Variants in TMEM163 observed in about 807,000 individuals in gnomAD.
The protein encoded by TMEM163 is transmembrane protein 163.
In TMEM163, 17 loss-of-function variants were observed where a neutral mutation model predicts 29.3. The observed-to-expected ratio is 0.58, with a 90% CI of 0.40 to 0.87. The LOEUF is 0.87. TMEM163 is among the 40% of genes least tolerant of loss of function. TMEM163 has a pLI of 0.00. For missense variants in TMEM163, 303 were observed against 381.5 expected (o/e 0.79, Z 1.71); for synonymous variants, 157 against 160.6 (o/e 0.98, Z 0.17).
intron 4 of TMEM163, among the ~76,000 whole-genome samples, chr2:134,524,672 A>T (rs1037382901): frequency 2.0e-5 from 3 of 150,130 alleles, no homozygotes; most frequent in African/African-American, 7.3e-5. Context: ...TTCCAGTTCC[A>T]TCCATGTCCC....
At chr2:134,533,438 A>C (rs1241601299) in intron 4 of TMEM163, among the ~76,000 whole-genome samples, 3 of 152,254 alleles carry the variant, frequency 2.0e-5, no homozygotes, top group African/African-American at 7.2e-5. Flanking sequence ...AAGCACATGC[A>C]CCAAACTGTT....
At chr2:134,465,200 AAAAC>A (rs1416037086) in intron 6 of TMEM163, among the ~76,000 whole-genome samples, 9 of 143,154 alleles carry the variant, frequency 6.3e-5, no homozygotes, top group Admixed American at 4.0e-4. Flanking sequence ...AAAAAAAAAA[AAAAC>A]AAAAACAAAA....
At chr2:134,545,263 G>C (rs1044465248) in intron 4 of TMEM163, among the ~76,000 whole-genome samples, 7 of 152,100 alleles carry the variant, frequency 4.6e-5, no homozygotes, top group Non-Finnish European at 1.0e-4. Flanking sequence ...GTCACCCACT[G>C]TGAGGCTGGC....
intron 2 of TMEM163, among the ~76,000 whole-genome samples, chr2:134,696,899 C>T (rs1684594293): frequency 6.6e-6 from 1 of 152,136 alleles, no homozygotes; most frequent in African/African-American, 2.4e-5. Context: ...CCTCAGCCCC[C>T]CGAGTAGCTG....
At chr2:134,501,087 C>G (rs969786055) in intron 5 of TMEM163, among the ~76,000 whole-genome samples, 2 of 151,956 alleles carry the variant, frequency 1.3e-5, no homozygotes, top group African/African-American at 2.4e-5. Flanking sequence ...TGATATGTAT[C>G]AAAACATCAC....
Position 134,718,620 on chromosome 2 carries a change from G to A in TMEM163, c.202+114C>T, listed in dbSNP as rs1462533955. On this transcript the variant is annotated intron_variant, in intron 1 of 7. Coordinates refer to ENST00000281924, the MANE Select transcript of TMEM163 (RefSeq NM_030923.5). ...GTTCTCGCCGGGAAGTCGGGGCTCC[G>A]CGCCCCCGCGCGCTCCGAGCCCCGC... The A allele has an allele frequency of 5.0e-6, 4 of 796,758 alleles. No individual in the cohort carries two copies. The South Asian group carries it at 1.8e-4, about 35-fold the overall frequency. 49.4% of individuals were successfully genotyped at this position (796,758 alleles called of 1,614,324 possible).
rs1338532171 is a variant in TMEM163 at position 134,653,757 on chromosome 2, C to T, written c.322+59443G>A. Among the ~76,000 whole-genome samples, 28 of 103,408 alleles carry T rather than the reference C, an allele frequency of 2.7e-4. 5 individuals are homozygous for T. The highest frequency in any genetic ancestry group is 1.8e-4 in the Admixed American group (2 of 10,982). 67.8% of individuals were successfully genotyped at this position (103,408 alleles called of 152,430 possible). Reference sequence around the variant, plus strand: ...TTCTGTTAAGTTGTGTCTTTGTTCTCGTTGGTTTCAAAGAACATCTTTATT... The same window carrying T: ...TTCTGTTAAGTTGTGTCTTTGTTCTTGTTGGTTTCAAAGAACATCTTTATT... On this transcript the variant is annotated intron_variant, in intron 2 of 7. Coordinates refer to ENST00000281924, the MANE Select transcript of TMEM163 (RefSeq NM_030923.5).
chr2:134,575,536 C>T (rs1389277254), intron 2 of TMEM163, among the ~76,000 whole-genome samples: 13 of 152,180 alleles, frequency 8.5e-5, no homozygotes, highest in Non-Finnish European at 1.9e-4. Context: ...ACAGGGTTCT[C>T]ATTGTTTTTC....
intron 2 of TMEM163, among the ~76,000 whole-genome samples, chr2:134,676,285 A>C (rs753382475): frequency 8.5e-5 from 13 of 152,196 alleles, no homozygotes; most frequent in Non-Finnish European, 1.6e-4. Context: ...TGCACTATTG[A>C]GTAGCCCTCC....
chr2:134,669,251 A>G (rs1193714563), intron 2 of TMEM163, among the ~76,000 whole-genome samples: 1 of 152,162 alleles, frequency 6.6e-6, no homozygotes, highest in South Asian at 2.1e-4. Context: ...TCCCCTGGAG[A>G]TTCCCTCCTA....
At chr2:134,693,608 C>CAAAAAAAAAAAAAAAAAAAA (rs35183610) in intron 2 of TMEM163, among the ~76,000 whole-genome samples, 2 of 66,632 alleles carry the variant, frequency 3.0e-5, no homozygotes, top group Non-Finnish European at 4.1e-5. Flanking sequence ...AAAACTACAT[C>CAAAAAAAAAAAAAAAAAAAA]AAAAAAAAAA....
intron 2 of TMEM163, among the ~76,000 whole-genome samples, chr2:134,687,032 C>G (rs1212594236): frequency 6.6e-6 from 1 of 152,196 alleles, no homozygotes; most frequent in Non-Finnish European, 1.5e-5. Flanking sequence ...TCTTCCAAAG[C>G]TATAAGCAAA....
chr2:134,706,110 G>C (rs189145304), intron 2 of TMEM163, among the ~76,000 whole-genome samples: 1 of 152,210 alleles, frequency 6.6e-6, no homozygotes, highest in Non-Finnish European at 1.5e-5. Context: ...CACTGTGAGC[G>C]GAGACTCAGG....
intron 2 of TMEM163, among the ~76,000 whole-genome samples, chr2:134,604,381 G>A (rs894217912): frequency 6.6e-6 from 1 of 151,016 alleles, no homozygotes. Context: ...AACTAGATAA[G>A]CTGTTCATGA....
intron 2 of TMEM163, among the ~76,000 whole-genome samples, chr2:134,658,636 C>T (rs533466972): frequency 5.9e-5 from 9 of 152,108 alleles, no homozygotes; most frequent in East Asian, 1.9e-4. Flanking sequence ...CTCACTCTGT[C>T]GCCCAGGCTG....
intron 2 of TMEM163, among the ~76,000 whole-genome samples, chr2:134,677,016 C>T (rs1684130004): frequency 6.6e-6 from 1 of 152,154 alleles, no homozygotes; most frequent in Non-Finnish European, 1.5e-5. Flanking sequence ...CTGCAGAAGA[C>T]ATTTTAACCA....
chr2:134,470,372 A>C (rs1031661082), intron 5 of TMEM163, among the ~76,000 whole-genome samples: 1 of 151,254 alleles, frequency 6.6e-6, no homozygotes, highest in East Asian at 2.0e-4. Flanking sequence ...AAAAAAAAAA[A>C]ACTTCATACG....
intron 2 of TMEM163, 42 bp downstream of exon 2, chr2:134,713,158 C>G: frequency 1.3e-6 from 2 of 1,594,930 alleles, no homozygotes; most frequent in Non-Finnish European, 1.7e-6. Flanking sequence ...ATAAAACGGG[C>G]AACAGCAGCA....
intron 5 of TMEM163, among the ~76,000 whole-genome samples, chr2:134,471,818 G>T (rs927332889): frequency 1.3e-5 from 2 of 152,160 alleles, no homozygotes; most frequent in Non-Finnish European, 2.9e-5. Flanking sequence ...GAGGCTAAAT[G>T]ACTTTCCCAG....
Sources: gnomAD v4.1 joint callset for allele counts (sites outside exome capture counted in the v4.1 genomes callset) on GRCh38, gnomAD v4.1.1 for gene constraint, MANE v1.5 for transcripts, NCBI Gene and HGNC (gene_info 2026-07-23, HGNC 2026-07-21) for gene names.